Variants in KIAA1217 observed in about 807,000 individuals in gnomAD.
KIAA1217 encodes KIAA1217.
In KIAA1217, 88 loss-of-function variants were observed where a neutral mutation model predicts 163.9. The observed-to-expected ratio is 0.54, with a 90% CI of 0.45 to 0.64. The LOEUF (loss-of-function observed/expected upper bound fraction) is 0.64, where lower values mean the gene tolerates loss of function less well. Among genes scored for constraint, KIAA1217 ranks in the 30% least tolerant of loss-of-function variants. The pLI is 0.00. For missense variants in KIAA1217, 2,372 were observed against 2,475.0 expected (o/e 0.96, Z 0.88); for synonymous variants, 903 against 923.1 (o/e 0.98, Z 0.39).
At chr10:23,990,528 G>A (rs1421496367) in intron 1 of KIAA1217, among the ~76,000 whole-genome samples, 3 of 152,074 alleles carry the variant, frequency 2.0e-5, no homozygotes, top group African/African-American at 7.2e-5. Flanking sequence ...TTCTGTGGGT[G>A]CTCCTCCACT....
intron 2 of KIAA1217, among the ~76,000 whole-genome samples, chr10:24,363,720 T>C (rs905022968): frequency 7.9e-5 from 12 of 151,866 alleles, no homozygotes; most frequent in African/African-American, 2.7e-4. Context: ...TTCAGGCGTG[T>C]GCCACTATGC....
intron 11 of KIAA1217, among the ~76,000 whole-genome samples, chr10:24,520,651 A>AAAAAATATAT (rs1554926857): frequency 2.5e-5 from 1 of 39,660 alleles, no homozygotes; most frequent in Non-Finnish European, 4.9e-5. Context: ...AAAAAAAAAA[A>AAAAAATATAT]ATATATATAT....
chr10:24,350,016 G>A (rs759554924), intron 2 of KIAA1217, among the ~76,000 whole-genome samples: 9 of 152,162 alleles, frequency 5.9e-5, no homozygotes, highest in Non-Finnish European at 8.8e-5. Context: ...AAAAGAAAGT[G>A]AGACCATTAA....
At chr10:24,395,558 A>G (rs368082316) in intron 3 of KIAA1217, among the ~76,000 whole-genome samples, 8 of 152,246 alleles carry the variant, frequency 5.3e-5, no homozygotes, top group Non-Finnish European at 1.2e-4. Context: ...CCTGGAAAAG[A>G]AAGTTCCCTT....
chr10:24,449,601 C>T (rs1431184494), intron 5 of KIAA1217: 1 of 985,350 alleles, frequency 1.0e-6, no homozygotes, highest in Non-Finnish European at 1.2e-6. Context: ...TCCTTTAAAC[C>T]ACATATTTTG....
At chr10:24,096,065 A>C (rs537093522) in intron 2 of KIAA1217, among the ~76,000 whole-genome samples, 3 of 152,200 alleles carry the variant, frequency 2.0e-5, no homozygotes, top group Non-Finnish European at 2.9e-5. Flanking sequence ...CTGTGATTGC[A>C]CCACTGTATT....
intron 1 of KIAA1217, among the ~76,000 whole-genome samples, chr10:23,923,668 G>C (rs1424391347): frequency 6.6e-6 from 1 of 152,100 alleles, no homozygotes; most frequent in African/African-American, 2.4e-5. Context: ...AGCTTAAAAA[G>C]GCAAGGAAAT....
chr10:24,520,689 A>AC (rs763777354), intron 11 of KIAA1217, among the ~76,000 whole-genome samples: 22 of 103,150 alleles, frequency 2.1e-4, no homozygotes, highest in Admixed American at 1.4e-3. Context: ...CACACACACA[A>AC]AAAAAAATTA....
chr10:24,288,017 G>T lies in KIAA1217; in HGVS notation c.354+68108G>T, dbSNP rs1457854944. Among the ~76,000 whole-genome samples, 3 of 152,172 alleles carry T rather than the reference G, an allele frequency of 2.0e-5. No homozygotes were observed. In the South Asian group the frequency reaches 6.2e-4, roughly 32 times the overall value. Reference sequence around the variant, plus strand: ...AAAAGCCTGCAGAAGAACTGAGCTGGCAGAATATAATCCTGCAGGTTGAAA... The same window carrying T: ...AAAAGCCTGCAGAAGAACTGAGCTGTCAGAATATAATCCTGCAGGTTGAAA... On this transcript the variant is annotated intron_variant, in intron 2 of 20. Transcript: ENST00000376454.
At chr10:24,186,014 A>T (rs2131964383) in intron 2 of KIAA1217, among the ~76,000 whole-genome samples, 1 of 152,088 alleles carries the variant, frequency 6.6e-6, no homozygotes, top group South Asian at 2.1e-4. Flanking sequence ...CAACATATTT[A>T]CTCTAATTTC....
chr10:24,185,842 A>G (rs1304077489), intron 2 of KIAA1217, among the ~76,000 whole-genome samples: 1 of 151,820 alleles, frequency 6.6e-6, no homozygotes, highest in Non-Finnish European at 1.5e-5. Flanking sequence ...GCAGGTGCCT[A>G]TAATCCCAGC....
chr10:24,416,419 A>G (rs1031792779), intron 3 of KIAA1217, among the ~76,000 whole-genome samples: 2 of 152,264 alleles, frequency 1.3e-5, no homozygotes, highest in African/African-American at 4.8e-5. Context: ...CAAAAGGCAG[A>G]GAAGGTTCTG....
intron 1 of KIAA1217, among the ~76,000 whole-genome samples, chr10:23,945,812 CA>C (rs1323707127): frequency 2.0e-5 from 3 of 152,066 alleles, no homozygotes; most frequent in Non-Finnish European, 4.4e-5. Flanking sequence ...AAAAATATGA[CA>C]GGGGTGTGAC....
intron 2 of KIAA1217, among the ~76,000 whole-genome samples, chr10:24,094,748 A>G (rs1466666325): frequency 6.6e-6 from 1 of 152,186 alleles, no homozygotes; most frequent in African/African-American, 2.4e-5. Flanking sequence ...TGGGAGAACC[A>G]CTGCTCTCTT....
At chr10:24,379,541 G>C (rs542660860) in intron 2 of KIAA1217, among the ~76,000 whole-genome samples, 1 of 152,304 alleles carries the variant, frequency 6.6e-6, no homozygotes, top group East Asian at 1.9e-4. Context: ...TCTATGGGAA[G>C]GTCCTGAGAG....
At chr10:24,451,861 G>T (rs575263157) in intron 5 of KIAA1217, among the ~76,000 whole-genome samples, 2 of 152,280 alleles carry the variant, frequency 1.3e-5, no homozygotes, top group African/African-American at 2.4e-5. Flanking sequence ...GTACCTGCAT[G>T]TTGTTCACTT....
intron 2 of KIAA1217, among the ~76,000 whole-genome samples, chr10:24,261,962 C>T (rs1025443937): frequency 6.6e-6 from 1 of 152,134 alleles, no homozygotes; most frequent in African/African-American, 2.4e-5. Flanking sequence ...ACAGAAAACC[C>T]TTCTCAATGC....
intron 1 of KIAA1217, among the ~76,000 whole-genome samples, chr10:23,914,233 A>C (rs1842552150): frequency 6.6e-6 from 1 of 152,136 alleles, no homozygotes; most frequent in African/African-American, 2.4e-5. Context: ...GCAGCTTACA[A>C]AGAGGGCTGC....
chr10:24,028,532 A>G (rs1848058374), intron 2 of KIAA1217, among the ~76,000 whole-genome samples: 1 of 152,162 alleles, frequency 6.6e-6, no homozygotes, highest in Admixed American at 6.6e-5. Flanking sequence ...CATTTGTAAA[A>G]CTATGAAAGA....
Sources: gnomAD v4.1 joint callset for allele counts (sites outside exome capture counted in the v4.1 genomes callset) on GRCh38, gnomAD v4.1.1 for gene constraint, MANE v1.5 for transcripts, NCBI Gene and HGNC (gene_info 2026-07-23, HGNC 2026-07-21) for gene names.